The following PRPS2 variants were observed in gnomAD, a reference collection of about 807,000 sequenced individuals.
PRPS2 encodes the protein ribose-phosphate pyrophosphokinase 2.
For synonymous variants in PRPS2, 111 were observed against 115.3 expected, an observed-to-expected ratio of 0.96 and a Z score of 0.24; for missense variants, 104 against 271.5, an observed-to-expected ratio of 0.38 and a Z score of 4.34.
At position 12,802,005 on chromosome X, in the gene PRPS2, A is replaced by T. The variant is rs765396662; in HGVS notation, c.306+2615A>T. ...TGAATATATTGTAACTTCTTTAGAA[A>T]ATTACTCCTTTTATCATTGCACATG... On this transcript the variant is annotated intron_variant, in intron 2 of 6. Coordinates refer to ENST00000380668, the MANE Select transcript of PRPS2 (RefSeq NM_002765.5). 1.2e-4 allele frequency among the ~76,000 whole-genome samples: 14 copies of T among 112,381 alleles called. No individual in the cohort carries two copies. In the East Asian group the frequency reaches 3.9e-3, roughly 31 times the overall value.
intron 4 of PRPS2, among the ~76,000 whole-genome samples, chrX:12,817,743 T>C (rs2042655637): frequency 1.8e-5 from 2 of 112,002 alleles, no homozygotes; most frequent in African/African-American, 3.2e-5. Flanking sequence ...GAAGTACTCA[T>C]CTATGCAGCC....
intron 1 of PRPS2, among the ~76,000 whole-genome samples, chrX:12,794,454 A>G (rs1348834598): frequency 1.8e-5 from 2 of 111,851 alleles, no homozygotes; most frequent in Non-Finnish European, 1.9e-5. Context: ...AATTTCTGTC[A>G]TATGCTGTTG....
intron 5 of PRPS2, 98 bp from the exon 6 acceptor site, chrX:12,820,546 T>C: frequency 1.1e-6 from 1 of 941,757 alleles, no homozygotes. Context: ...GCATTTTTCT[T>C]TTACGGAGCA....
intron 4 of PRPS2, among the ~76,000 whole-genome samples, chrX:12,816,352 A>C (rs1174924552): frequency 9.1e-6 from 1 of 110,373 alleles, no homozygotes; most frequent in East Asian, 2.8e-4. Context: ...CCCAGGCTGG[A>C]GTGTAGTGGC....
At chrX:12,804,793 C>G (rs1157578532) in intron 2 of PRPS2, among the ~76,000 whole-genome samples, 1 of 111,602 alleles carries the variant, frequency 9.0e-6, no homozygotes, top group Non-Finnish European at 1.9e-5. Context: ...CACTTGATCT[C>G]TCATCCCAGA....
chrX:12,795,150 T>G (rs2042537450), intron 1 of PRPS2, among the ~76,000 whole-genome samples: 1 of 111,530 alleles, frequency 9.0e-6, no homozygotes, highest in Non-Finnish European at 1.9e-5. Context: ...CTTGCATTTT[T>G]AAGGGCCCCA....
At chrX:12,793,233 A>C (rs2042528432) in intron 1 of PRPS2, among the ~76,000 whole-genome samples, 1 of 112,470 alleles carries the variant, frequency 8.9e-6, no homozygotes, top group East Asian at 2.8e-4. Flanking sequence ...TTTGAAAGCA[A>C]ATATGTTGCC....
intron 1 of PRPS2, among the ~76,000 whole-genome samples, chrX:12,796,213 C>CT (rs751352461): frequency 0.16 from 6,092 of 38,533 alleles, 346 homozygotes; most frequent in Non-Finnish European, 0.21. Context: ...ATAATTGGCT[C>CT]TTTTTTTTTT....
intron 2 of PRPS2, among the ~76,000 whole-genome samples, chrX:12,802,214 A>G (rs1012578446): frequency 1.3e-4 from 15 of 111,526 alleles, no homozygotes; most frequent in Non-Finnish European, 2.1e-4. Context: ...CAATCCTTCT[A>G]TTGTAGGAGG....
chrX:12,791,833 T>A (rs1322638034), intron 1 of PRPS2, among the ~76,000 whole-genome samples: 5 of 111,924 alleles, frequency 4.5e-5, no homozygotes, highest in African/African-American at 1.6e-4. Context: ...GCCTCGGCTG[T>A]GCCCCCGGTT....
intron 2 of PRPS2, among the ~76,000 whole-genome samples, chrX:12,803,629 G>T (rs1197414704): frequency 8.9e-6 from 1 of 112,303 alleles, no homozygotes; most frequent in Admixed American, 9.4e-5. Flanking sequence ...GTAGCATCTA[G>T]TGTTCACCTG....
intron 1 of PRPS2, among the ~76,000 whole-genome samples, chrX:12,793,815 G>GT (rs1489950545): frequency 8.9e-6 from 1 of 112,111 alleles, no homozygotes; most frequent in Non-Finnish European, 1.9e-5. Context: ...CCCATTTTGC[G>GT]TTTTTTATAT....
At chrX:12,808,805 G>A (rs940602260) in intron 2 of PRPS2, among the ~76,000 whole-genome samples, 3 of 111,231 alleles carry the variant, frequency 2.7e-5, no homozygotes, top group Non-Finnish European at 3.8e-5. Context: ...TATTCTCCTC[G>A]CCTTTGCTAA....
At chrX:12,806,641 G>A (rs1453422674) in intron 2 of PRPS2, among the ~76,000 whole-genome samples, 1 of 112,306 alleles carries the variant, frequency 8.9e-6, no homozygotes, top group Non-Finnish European at 1.9e-5. Context: ...CAGAAAGCGT[G>A]AATTTAGGAA....
chrX:12,801,235 T>C (rs1405706224), intron 2 of PRPS2, among the ~76,000 whole-genome samples: 3 of 107,382 alleles, frequency 2.8e-5, no homozygotes, highest in African/African-American at 1.0e-4. Flanking sequence ...TGTGTGTGTG[T>C]GTGTGTGTGT....
intron 2 of PRPS2, among the ~76,000 whole-genome samples, chrX:12,806,508 G>A (rs2042594233): frequency 8.9e-6 from 1 of 112,221 alleles, no homozygotes. Context: ...ACTTTTCTTT[G>A]TATAGGCTAG....
Position 12,823,166 on chromosome X carries a change from G to T in PRPS2, c.*370G>T. The T allele has an allele frequency of 6.5e-6, 1 of 153,219 alleles. No homozygotes were observed. The highest frequency in any genetic ancestry group is 1.2e-5 in the Non-Finnish European group (1 of 80,699). The allele number at this position is 153,219 out of a possible 1,213,427, so 12.6% of individuals were successfully genotyped here. A position where few individuals can be genotyped will look rare whatever the true frequency, so the allele number is the denominator to read the frequency against. On this transcript the variant is annotated 3_prime_UTR_variant, in exon 7 of 7. Transcript: ENST00000380668. ...GTTTATATATTTCGAGGTTGCCAAAGGTGACTTCAGATTAAAGCCTTCTGT... is the reference window on the plus strand; with the variant it reads ...GTTTATATATTTCGAGGTTGCCAAATGTGACTTCAGATTAAAGCCTTCTGT...
At chrX:12,818,366 CAAAAA>C (rs35450855) in intron 4 of PRPS2, among the ~76,000 whole-genome samples, 110 of 62,898 alleles carry the variant, frequency 1.7e-3, no homozygotes, top group Middle Eastern at 0.011. Flanking sequence ...GAAACTGTCT[CAAAAA>C]AAAAAAAAAA....
At position 12,809,290 on chromosome X, in the gene PRPS2, G is replaced by A. The variant is rs1397660889; in HGVS notation, c.363G>A (p.Ala121=). The change falls in exon 3 of 7, where the codon GCG becomes GCA. Residue 121 remains alanine (A), a synonymous_variant. Coordinates refer to ENST00000380668, the MANE Select transcript of PRPS2 (RefSeq NM_002765.5). The part of the protein sequence containing the change: ...LVANMLSVAG[A]DHIITMDLHA... ...CCAATATGCTGTCGGTGGCTGGGGC[G>A]GATCACATCATCACCATGGACCTGC... 6.6e-6 allele frequency: 8 copies of A among 1,207,877 alleles called. No individual in the cohort carries two copies. The highest frequency in any genetic ancestry group is 2.3e-4 in the Middle Eastern group (1 of 4,370).
Sources: allele counts gnomAD v4.1 joint callset (sites outside exome capture counted in the v4.1 genomes callset), GRCh38; gene constraint gnomAD v4.1.1; transcripts MANE v1.5; gene names NCBI Gene and HGNC (gene_info 2026-07-23, HGNC 2026-07-21).